TAF4B: variants seen among roughly 807,000 people sequenced by gnomAD.
The protein encoded by TAF4B is TATA-box binding protein associated factor 4b.
In TAF4B, 38 loss-of-function variants were observed where a neutral mutation model predicts 86.4. The observed-to-expected ratio is 0.44, with a 90% CI of 0.34 to 0.58. The LOEUF (loss-of-function observed/expected upper bound fraction) is 0.58. TAF4B is among the 20% of genes least tolerant of loss of function. The pLI is 0.02. For missense variants in TAF4B, 988 were observed against 1,027.6 expected, an observed-to-expected ratio of 0.96 and a Z score of 0.53; for synonymous variants, 388 against 391.2, an observed-to-expected ratio of 0.99 and a Z score of 0.10.
chr18:26,292,612 C>T (rs1013646875), intron 8 of TAF4B, among the ~76,000 whole-genome samples: 1 of 152,180 alleles, frequency 6.6e-6, no homozygotes, highest in Non-Finnish European at 1.5e-5. Context: ...ACCTCCACCT[C>T]CCAGGTTTAA....
In TAF4B at chr18:26,227,144, A is replaced by G. The variant is rs749429923; in HGVS notation, c.211A>G (p.Thr71Ala). 9.3e-6 allele frequency: 15 copies of G among 1,613,890 alleles called. 1 individual carries two copies. The highest frequency in any genetic ancestry group is 3.3e-4 in the Middle Eastern group (2 of 6,084). The change falls in exon 1 of 15, where the codon ACC (threonine) becomes GCC (alanine). Residue 71 changes from threonine to alanine, a missense_variant. Around this residue, in one of 3 missense-constraint regions of TAF4B, gnomAD observed 747 missense variants for 737.9 expected, o/e 1.01. Coordinates refer to ENST00000269142, the MANE Select transcript of TAF4B (RefSeq NM_005640.3). ...GCGGTCCCCCGTGGGGACCCTGGTG[A>G]CCAAAGTGGCTCCGGTCAGCGCCCC... ...PLRSPVGTLV[T>A]KVAPVSAPPK...
rs1388091300 is a variant in TAF4B at position 26,391,478 on chromosome 18, T to A, written c.*1466T>A. 1.3e-5 allele frequency: 2 copies of A among 152,176 alleles called. No individual in the cohort carries two copies. The highest frequency in any genetic ancestry group is 2.9e-5 in the Non-Finnish European group (2 of 68,018). 9.4% of individuals were successfully genotyped at this position (152,176 alleles called of 1,614,324 possible). On this transcript the variant is annotated 3_prime_UTR_variant, in exon 15 of 15. Transcript: ENST00000269142. ...TAAATTGGCCACATTTTTTTTTGTT[T>A]CAGCAAGTTATGTAAAATGCTATAA...
At chr18:26,227,341 G>A in intron 1 of TAF4B, 65 bp downstream of exon 1, 1 of 1,408,150 alleles carries the variant, frequency 7.1e-7, no homozygotes, top group Non-Finnish European at 9.8e-7. Flanking sequence ...AAAATTCGCA[G>A]CTCCAGATTG....
intron 9 of TAF4B, among the ~76,000 whole-genome samples, chr18:26,303,313 C>A (rs1330276169): frequency 9.3e-5 from 10 of 106,992 alleles, no homozygotes; most frequent in South Asian, 4.0e-4. Flanking sequence ...CCACTGTCAT[C>A]CTCCCTCCAC....
intron 3 of TAF4B, among the ~76,000 whole-genome samples, chr18:26,270,060 A>T (rs1263523822): frequency 6.6e-6 from 1 of 152,202 alleles, no homozygotes; most frequent in South Asian, 2.1e-4. Flanking sequence ...TTAAAGATTG[A>T]GTACATAAAT....
intron 10 of TAF4B, among the ~76,000 whole-genome samples, chr18:26,319,050 TGGGCC>T (rs2056937356): frequency 1.3e-5 from 2 of 151,900 alleles, no homozygotes; most frequent in South Asian, 4.1e-4. Flanking sequence ...AAAAAGTAGT[TGGGCC>T]TGTTGGCTCA....
intron 14 of TAF4B, among the ~76,000 whole-genome samples, chr18:26,372,664 C>G (rs1399018968): frequency 1.3e-5 from 2 of 152,066 alleles, no homozygotes; most frequent in African/African-American, 4.8e-5. Flanking sequence ...GCTGATTGAC[C>G]TGGTGATCAA....
intron 1 of TAF4B, among the ~76,000 whole-genome samples, chr18:26,243,743 T>C (rs2055878660): frequency 6.6e-6 from 1 of 152,234 alleles, no homozygotes; most frequent in African/African-American, 2.4e-5. Flanking sequence ...TCTTTGATGA[T>C]GGTGATGTAC....
chr18:26,372,670 A>G (rs557198694), intron 14 of TAF4B, among the ~76,000 whole-genome samples: 1 of 152,202 alleles, frequency 6.6e-6, no homozygotes, highest in South Asian at 2.1e-4. Flanking sequence ...TGACCTGGTG[A>G]TCAAAAAATA....
intron 6 of TAF4B, among the ~76,000 whole-genome samples, chr18:26,285,524 A>G (rs2144594348): frequency 6.6e-6 from 1 of 152,130 alleles, no homozygotes; most frequent in East Asian, 1.9e-4. Context: ...GAAGAGACCT[A>G]GATTCTGCTG....
intron 13 of TAF4B, among the ~76,000 whole-genome samples, chr18:26,355,352 C>G (rs1020345465): frequency 3.3e-5 from 5 of 152,162 alleles, no homozygotes; most frequent in Admixed American, 6.5e-5. Flanking sequence ...AGGCAAGCCT[C>G]TAACTCAGTG....
At chr18:26,343,515 C>T (rs72881823) in intron 13 of TAF4B, among the ~76,000 whole-genome samples, 1 of 152,160 alleles carries the variant, frequency 6.6e-6, no homozygotes, top group East Asian at 1.9e-4. Context: ...GTTGTAGCCA[C>T]AGATCACAGA....
intron 1 of TAF4B, among the ~76,000 whole-genome samples, chr18:26,247,630 C>G (rs552284441): frequency 6.6e-6 from 1 of 152,038 alleles, no homozygotes; most frequent in Non-Finnish European, 1.5e-5. Flanking sequence ...TCTTGTAATC[C>G]CAGCACTTTG....
intron 10 of TAF4B, among the ~76,000 whole-genome samples, chr18:26,319,243 G>C (rs543334346): frequency 6.6e-6 from 1 of 151,704 alleles, no homozygotes; most frequent in South Asian, 2.1e-4. Flanking sequence ...TGTAATCCCA[G>C]CACTTTGGGA....
chr18:26,311,231 A>G (rs1347958169), intron 9 of TAF4B, among the ~76,000 whole-genome samples: 2 of 152,240 alleles, frequency 1.3e-5, no homozygotes, highest in Non-Finnish European at 2.9e-5. Context: ...GGAGTTCAGC[A>G]TTGTAGCAGT....
intron 14 of TAF4B, 27 bp downstream of exon 14, chr18:26,357,821 T>A: frequency 6.6e-7 from 1 of 1,525,064 alleles, no homozygotes; most frequent in Non-Finnish European, 9.0e-7. Context: ...CATTATTTTA[T>A]TTTTAATGTC....
intron 14 of TAF4B, among the ~76,000 whole-genome samples, chr18:26,371,301 CTG>C (rs764620577): frequency 1.3e-5 from 2 of 152,274 alleles, no homozygotes; most frequent in Non-Finnish European, 2.9e-5. Flanking sequence ...CTTCAGAAAA[CTG>C]TGGTCCCCTG....
Position 26,361,071 on chromosome 18 carries a change from A to G in TAF4B, c.2421+3277A>G, listed in dbSNP as rs547124930. Among the ~76,000 whole-genome samples the G allele has an allele frequency of 3.5e-3, 536 of 152,214 alleles. 2 individuals carry two copies. Among genetic ancestry groups the G allele is most frequent in the African/African-American group, 0.012 (503 of 41,534 alleles). On this transcript the variant is annotated intron_variant, in intron 14 of 14. Transcript: ENST00000269142. The stretch of plus-strand genomic sequence containing the variant: ...TATTTATGACTATTTACATATTAGT[A>G]TCAAACCTTTTTTTTAACCATCTTA...
chr18:26,328,168 A>C (rs999403112), intron 12 of TAF4B, among the ~76,000 whole-genome samples: 1 of 152,164 alleles, frequency 6.6e-6, no homozygotes, highest in Non-Finnish European at 1.5e-5. Context: ...ACGTATTTTG[A>C]GGCCGGGCAC....
Sources: gnomAD v4.1 joint callset for allele counts (sites outside exome capture counted in the v4.1 genomes callset) on GRCh38, gnomAD v4.1.1 for gene constraint, gnomAD v4.1.1 regional missense constraint, MANE v1.5 for transcripts, NCBI Gene and HGNC (gene_info 2026-07-23, HGNC 2026-07-21) for gene names.